Variants in RNF220 observed in about 807,000 individuals in gnomAD.
RNF220 encodes the protein E3 ubiquitin-protein ligase RNF220.
Under a neutral mutation model 67.1 loss-of-function variants are expected in RNF220, and 7 were observed. That is an observed-to-expected ratio of 0.10 (90% CI 0.06 to 0.20). RNF220 has a LOEUF of 0.20. Among genes scored for constraint, RNF220 ranks in the 10% least tolerant of loss-of-function variants. The pLI is 1.00. For missense variants in RNF220, 565 were observed against 740.3 expected, an observed-to-expected ratio of 0.76 and a Z score of 2.75; for synonymous variants, 270 against 283.2, an observed-to-expected ratio of 0.95 and a Z score of 0.47.
chr1:44,438,241 C>T (rs538540092), intron 2 of RNF220, among the ~76,000 whole-genome samples: 2 of 152,210 alleles, frequency 1.3e-5, no homozygotes, highest in Admixed American at 6.5e-5. Flanking sequence ...ACACTTCAGC[C>T]TCCCAAGTAG....
At position 44,417,619 on chromosome 1, in the gene RNF220, T is replaced by TCCTCCCTCCTCGCCCCGCGC. The variant is rs1553212248; in HGVS notation, c.625+4907_625+4926dup. On this transcript the variant is annotated intron_variant, in intron 2 of 14. Transcript: ENST00000361799. The surrounding 1 kb of genome is among the most constrained non-coding windows in gnomAD (Gnocchi z 4.0). ...GGTGAGAAAACGGACACCGCAGCCGTCCTCCCTCCTCGCCCCGCGCCCTCC... is the reference window on the plus strand; with the variant it reads ...GGTGAGAAAACGGACACCGCAGCCGTCCTCCCTCCTCGCCCCGCGCCCTCCCTCCTCGCCCCGCGCCCTCC... 1.3e-5 allele frequency among the ~76,000 whole-genome samples: 2 copies of TCCTCCCTCCTCGCCCCGCGC among 152,110 alleles called. No homozygotes were observed. The highest frequency in any genetic ancestry group is 2.9e-5 in the Non-Finnish European group (2 of 68,010).
chr1:44,593,703 G>C (rs1666268692), intron 2 of RNF220, among the ~76,000 whole-genome samples: 1 of 152,128 alleles, frequency 6.6e-6, no homozygotes, highest in South Asian at 2.1e-4. Flanking sequence ...GGGTGACAGA[G>C]TGAGACCCTG....
intron 4 of RNF220, among the ~76,000 whole-genome samples, chr1:44,625,828 C>A (rs1478701214): frequency 6.6e-6 from 1 of 151,836 alleles, no homozygotes; most frequent in African/African-American, 2.4e-5. Flanking sequence ...ATAAATGGAC[C>A]CACATACATC....
At chr1:44,569,069 G>T (rs1664245108) in intron 2 of RNF220, among the ~76,000 whole-genome samples, 1 of 152,108 alleles carries the variant, frequency 6.6e-6, no homozygotes, top group African/African-American at 2.4e-5. Flanking sequence ...TGAGGTTTTT[G>T]GAAAACTGAT....
intron 2 of RNF220, among the ~76,000 whole-genome samples, chr1:44,605,822 A>G (rs908480716): frequency 3.3e-5 from 5 of 152,168 alleles, no homozygotes; most frequent in African/African-American, 1.2e-4. Context: ...AGCAAGCCCA[A>G]AGCAGAAACA....
chr1:44,423,891 G>A (rs1384729192), intron 2 of RNF220: 2 of 985,280 alleles, frequency 2.0e-6, no homozygotes, highest in East Asian at 2.3e-4. Flanking sequence ...AAAAAAGAAA[G>A]CGAAGCAAAC....
chr1:44,619,687 G>A (rs79223709), intron 3 of RNF220, among the ~76,000 whole-genome samples: 261 of 152,282 alleles, frequency 1.7e-3, no homozygotes, highest in Non-Finnish European at 2.4e-3. Context: ...GGAGGAAATC[G>A]TTGGGGGCGG....
At chr1:44,518,828 T>A (rs1280012333) in intron 2 of RNF220, among the ~76,000 whole-genome samples, 1 of 151,830 alleles carries the variant, frequency 6.6e-6, no homozygotes, top group Admixed American at 6.6e-5. Flanking sequence ...TGAGCCGAGA[T>A]TGTGCCACTT....
chr1:44,462,068 C>A (rs1198112612), intron 2 of RNF220, among the ~76,000 whole-genome samples: 1 of 151,522 alleles, frequency 6.6e-6, no homozygotes, highest in East Asian at 1.9e-4. Flanking sequence ...GCTGGGATTA[C>A]AGGGGCACAC....
chr1:44,620,227 A>G (rs1643737152), intron 3 of RNF220, among the ~76,000 whole-genome samples: 1 of 152,264 alleles, frequency 6.6e-6, no homozygotes, highest in Admixed American at 6.5e-5. Context: ...CTGTGTGACC[A>G]TAGAAATGTC....
chr1:44,538,251 G>C (rs1253445432), intron 2 of RNF220, among the ~76,000 whole-genome samples: 1 of 152,156 alleles, frequency 6.6e-6, no homozygotes, highest in Non-Finnish European at 1.5e-5. Context: ...AGCCAGCTCT[G>C]TATCTACTTA....
intron 8 of RNF220, among the ~76,000 whole-genome samples, chr1:44,637,573 C>A (rs1203186980): frequency 6.6e-6 from 1 of 152,224 alleles, no homozygotes; most frequent in Non-Finnish European, 1.5e-5. Context: ...TTCTTAGGTT[C>A]CTTGGCACAG....
intron 2 of RNF220, among the ~76,000 whole-genome samples, chr1:44,420,844 C>T (rs1649129233): frequency 6.6e-6 from 1 of 152,224 alleles, no homozygotes; most frequent in African/African-American, 2.4e-5. Flanking sequence ...CAGTTTCTCA[C>T]ACATACTAAG....
intron 8 of RNF220, 57 bp from the exon 9 acceptor site, chr1:44,644,641 G>A: frequency 2.1e-6 from 3 of 1,419,184 alleles, no homozygotes; most frequent in Non-Finnish European, 2.0e-6. Context: ...GGCAACAGGA[G>A]GGGCACCCTT....
intron 2 of RNF220, among the ~76,000 whole-genome samples, chr1:44,418,838 T>C (rs78956100): frequency 0.027 from 4,082 of 152,326 alleles, 148 homozygotes; most frequent in African/African-American, 0.088. Flanking sequence ...GTATTCTTTG[T>C]AAATAATTGA....
At chr1:44,633,771 G>A (rs1332571504) in intron 6 of RNF220, among the ~76,000 whole-genome samples, 5 of 152,196 alleles carry the variant, frequency 3.3e-5, no homozygotes, top group Non-Finnish European at 7.3e-5. Context: ...CTTTGTGTTG[G>A]CACACTGCTC....
rs1354659339 is a variant in RNF220, at chr1:44,624,017, G to A, written c.804+1230G>A. The stretch of plus-strand genomic sequence containing the variant: ...CAAATACCCTGCAAGCCTTTCAAAG[G>A]TATAGGAATGGATCGTGTACCTTCG... On this transcript the variant is annotated intron_variant, in intron 4 of 14. Coordinates refer to ENST00000361799, the MANE Select transcript of RNF220 (RefSeq NM_018150.4). The surrounding 1 kb of genome is among the most constrained non-coding windows in gnomAD (Gnocchi z 4.2). 6.6e-6 allele frequency among the ~76,000 whole-genome samples: 1 copy of A among 152,224 alleles called. No individual in the cohort carries two copies. The highest frequency in any genetic ancestry group is 2.4e-5 in the African/African-American group (1 of 41,468).
At chr1:44,611,622 C>T (rs574354839) in intron 2 of RNF220, among the ~76,000 whole-genome samples, 64 of 152,296 alleles carry the variant, frequency 4.2e-4, no homozygotes, top group Non-Finnish European at 7.6e-4. Context: ...TCACCTCGCC[C>T]ACAGATCCTG....
chr1:44,441,240 G>A (rs1651521644), intron 2 of RNF220, among the ~76,000 whole-genome samples: 1 of 152,186 alleles, frequency 6.6e-6, no homozygotes, highest in African/African-American at 2.4e-5. Context: ...CATAGGGACT[G>A]AGGCTTTTAA....
Sources: gnomAD v4.1 joint callset for allele counts (sites outside exome capture counted in the v4.1 genomes callset) on GRCh38, gnomAD v4.1.1 for gene constraint, Gnocchi (gnomAD v3.1) non-coding constraint, MANE v1.5 for transcripts, NCBI Gene and HGNC (gene_info 2026-07-23, HGNC 2026-07-21) for gene names.